The following ZC3H14 variants were observed in gnomAD, a reference collection of about 807,000 sequenced individuals.
ZC3H14 encodes zinc finger CCCH domain-containing protein 14.
Under a neutral mutation model 92.4 loss-of-function variants are expected in ZC3H14, and 31 were observed. The ratio of observed to expected loss-of-function variants is 0.34; its 90% confidence interval spans 0.25 to 0.45. The LOEUF is 0.45. Among genes scored for constraint, ZC3H14 ranks in the 20% least tolerant of loss-of-function variants. The pLI is 1.00. For synonymous variants in ZC3H14, 321 were observed against 300.9 expected (o/e 1.07, Z -0.69); for missense variants, 781 against 897.3 (o/e 0.87, Z 1.66).
intron 2 of ZC3H14, among the ~76,000 whole-genome samples, chr14:88,567,415 T>C (rs2079831713): frequency 1.3e-5 from 2 of 149,916 alleles, no homozygotes; most frequent in Admixed American, 1.3e-4. Context: ...GCGCCTGGCC[T>C]TTTTTCTTTT....
At chr14:88,571,315 G>A (rs2080357286) in intron 4 of ZC3H14, among the ~76,000 whole-genome samples, 191 bp downstream of exon 4, 1 of 152,002 alleles carries the variant, frequency 6.6e-6, no homozygotes, top group Non-Finnish European at 1.5e-5. Flanking sequence ...TTTAAGTGTG[G>A]GAGAGGGAGC....
intron 9 of ZC3H14, among the ~76,000 whole-genome samples, chr14:88,584,493 C>T (rs568622471): frequency 2.0e-5 from 3 of 152,118 alleles, no homozygotes; most frequent in East Asian, 3.9e-4. Flanking sequence ...TACATGATAC[C>T]GCTTGTAGTT....
chr14:88,591,078 T>C (rs1234783887), intron 9 of ZC3H14: 1 of 152,200 alleles, frequency 6.6e-6, no homozygotes, highest in Non-Finnish European at 1.5e-5. Context: ...CATTTTTAAG[T>C]ATGTATACCA....
Position 88,620,855 on chromosome 14 carries a change from C to T in ZC3H14, c.*9104C>T, listed in dbSNP as rs2088767022. 1 of 1,588,526 alleles carries T rather than the reference C, an allele frequency of 6.3e-7. No homozygotes were observed. Among genetic ancestry groups the T allele is most frequent in the African/African-American group, 1.3e-5 (1 of 74,188 alleles). Reference sequence around the variant, plus strand: ...ATTCTCCATTTTTCATTCCAATAGCCACCATGTCCCCTTCAGGGCTGTAAC... The same window carrying T: ...ATTCTCCATTTTTCATTCCAATAGCTACCATGTCCCCTTCAGGGCTGTAAC... On this transcript the variant is annotated 3_prime_UTR_variant, in exon 17 of 17. Transcript: ENST00000251038. This position sits in a 1 kb window ranked among gnomAD's most constrained non-coding sequence, Gnocchi z 4.3.
chr14:88,609,492 G>A, intron 14 of ZC3H14, 89 bp downstream of exon 14: 2 of 1,598,200 alleles, frequency 1.3e-6, no homozygotes, highest in African/African-American at 1.3e-5. Context: ...ACAAAAGATG[G>A]TTTCAGAAAT....
Position 88,572,139 on chromosome 14 carries a change from A to G in ZC3H14, c.345A>G (p.Pro115=), listed in dbSNP as rs766937657. The G allele has an allele frequency of 2.5e-6, 4 of 1,614,044 alleles. No homozygotes were observed. In the South Asian group the frequency reaches 4.4e-5, roughly 18 times the overall value. The part of the protein sequence containing the change: ...GDERRHEAAV[P]PLAIPSARPE... ...AGAGGAGGCATGAAGCTGCAGTGCCACCACTTGCCATTCCTAGCGCGAGAC... is the reference window on the plus strand; with the variant it reads ...AGAGGAGGCATGAAGCTGCAGTGCCGCCACTTGCCATTCCTAGCGCGAGAC... The change falls in exon 5 of 17, where the codon CCA becomes CCG. Residue 115 remains proline (P), a synonymous_variant. Coordinates refer to ENST00000251038, the MANE Select transcript of ZC3H14 (RefSeq NM_024824.5).
Position 88,626,979 on chromosome 14 carries a change from T to C in ZC3H14, c.*15228T>C. On this transcript the variant is annotated 3_prime_UTR_variant, in exon 17 of 17. Coordinates refer to ENST00000251038, the MANE Select transcript of ZC3H14 (RefSeq NM_024824.5). Reference sequence around the variant, plus strand: ...CTCCCACTGAGACAAACTGGGTATCTGAATCTGGTCGGAATTCTGCCACAA... The same window carrying C: ...CTCCCACTGAGACAAACTGGGTATCCGAATCTGGTCGGAATTCTGCCACAA... 2 of 1,613,994 alleles carry C rather than the reference T, an allele frequency of 1.2e-6. No homozygotes were observed. Among genetic ancestry groups the C allele is most frequent in the Non-Finnish European group, 1.7e-6 (2 of 1,179,882 alleles).
chr14:88,611,167 C>T (rs1231571476), intron 16 of ZC3H14, among the ~76,000 whole-genome samples: 1 of 152,068 alleles, frequency 6.6e-6, no homozygotes, highest in Non-Finnish European at 1.5e-5. Context: ...GCTCTGTTGC[C>T]CAGGTTGGAG....
At chr14:88,582,695 T>C (rs185235778) in intron 9 of ZC3H14, among the ~76,000 whole-genome samples, 7 of 152,326 alleles carry the variant, frequency 4.6e-5, no homozygotes, top group Admixed American at 6.5e-5. Flanking sequence ...TTTTCTATAC[T>C]GTGTTTTAAA....
Position 88,573,582 on chromosome 14 carries a change from C to T in ZC3H14, c.861+575C>T, listed in dbSNP as rs1295754624. ...CCGAGTAGCTGGTATTACCCGCCAC[C>T]ATGCCTGGCTAATTTTTTGTATTTT... On this transcript the variant is annotated intron_variant, in intron 6 of 16. Transcript: ENST00000251038. 4 of 151,932 alleles carry T rather than the reference C, an allele frequency of 2.6e-5. No individual in the cohort carries two copies. In the East Asian group the frequency reaches 7.8e-4, roughly 30 times the overall value. The allele number at this position is 151,932 out of a possible 1,614,324, so 9.4% of individuals were successfully genotyped here. A position where few individuals can be genotyped will look rare whatever the true frequency, so the allele number is the denominator to read the frequency against.
chr14:88,607,049 T>C (rs2085522477), intron 12 of ZC3H14, among the ~76,000 whole-genome samples, 194 bp from the exon 13 acceptor site: 1 of 152,164 alleles, frequency 6.6e-6, no homozygotes, highest in Non-Finnish European at 1.5e-5. Context: ...CAGTGAGAAC[T>C]GTTGTCTTCT....
chr14:88,595,101 C>A lies in ZC3H14; in HGVS notation c.1280-1633C>A, dbSNP rs750593941. On this transcript the variant is annotated intron_variant, in intron 9 of 16. Transcript: ENST00000251038. The stretch of plus-strand genomic sequence containing the variant: ...TAAAAATAATCGGCTTCCTTAGAAA[C>A]GTTGAGAAAGGTAAACTCTTAATAT... 1.9e-6 allele frequency: 3 copies of A among 1,610,426 alleles called. No individual in the cohort carries two copies. In the Admixed American group the frequency reaches 5.0e-5, roughly 27 times the overall value.
intron 9 of ZC3H14, among the ~76,000 whole-genome samples, chr14:88,582,241 C>G (rs907831729): frequency 6.6e-6 from 1 of 152,244 alleles, no homozygotes; most frequent in Non-Finnish European, 1.5e-5. Context: ...CCTCTTGATA[C>G]AAAAGAACAG....
rs184612668 is a variant in ZC3H14 at position 88,567,190 on chromosome 14, A to G, written c.80-849A>G. The stretch of plus-strand genomic sequence containing the variant: ...GAGTGCAGTGGCAGGATCTGAGCGC[A>G]CTGCAAGCTCCGCCTCCTGGGTTCA... On this transcript the variant is annotated intron_variant, in intron 2 of 16. Coordinates refer to ENST00000251038, the MANE Select transcript of ZC3H14 (RefSeq NM_024824.5). Among the ~76,000 whole-genome samples, 459 of 149,370 alleles carry G rather than the reference A, an allele frequency of 3.1e-3. 5 individuals carry two copies. The highest frequency in any genetic ancestry group is 0.018 in the Admixed American group (274 of 14,918).
chr14:88,621,343 A>T lies in ZC3H14; in HGVS notation c.*9592A>T. 1 of 1,607,270 alleles carries T rather than the reference A, an allele frequency of 6.2e-7. No homozygotes were observed. The highest frequency in any genetic ancestry group is 8.5e-7 in the Non-Finnish European group (1 of 1,174,810). On this transcript the variant is annotated 3_prime_UTR_variant, in exon 17 of 17. Transcript: ENST00000251038. ...ACCAATACAGTGAATGTAATACAACAGCTGCTTTTCTTCTTCATAATATAA... is the reference window on the plus strand; with the variant it reads ...ACCAATACAGTGAATGTAATACAACTGCTGCTTTTCTTCTTCATAATATAA...
In ZC3H14 at chr14:88,571,131, T is replaced by C; in HGVS notation, c.235+7T>C. 6.5e-7 allele frequency: 1 copy of C among 1,532,992 alleles called. No homozygotes were observed. Among genetic ancestry groups the C allele is most frequent in the Non-Finnish European group, 8.8e-7 (1 of 1,132,862 alleles). 95.0% of individuals were successfully genotyped at this position (1,532,992 alleles called of 1,614,324 possible). On this transcript the variant is annotated splice_region_variant and intron_variant, in intron 4 of 16. Transcript: ENST00000251038. ...CTTCGCTCTGTTACAACTGGTAAGA[T>C]TCATAACTTTTTTTTTTAATTTCTG...
chr14:88,575,864 A>C lies in ZC3H14; in HGVS notation c.1047A>C (p.Gln349His). ...GACCTTCTCTTCCACCTTCTAAACA[A>C]GCTAACAAGAATCTGATTTTGAAGG... ...ERRPSLPPSKQANKNLILKAI... is the reference protein window; with the variant it reads ...ERRPSLPPSKHANKNLILKAI... The change falls in exon 8 of 17, where the codon CAA becomes CAC. Residue 349 changes from glutamine to histidine, a missense_variant. By Grantham distance (24) the Gln-to-His change is conservative. Around this residue, in one of 3 missense-constraint regions of ZC3H14, gnomAD observed 454 missense variants for 438.5 expected, o/e 1.04. Transcript: ENST00000251038. 6.2e-7 allele frequency: 1 copy of C among 1,613,894 alleles called. No homozygotes were observed. The highest frequency in any genetic ancestry group is 8.5e-7 in the Non-Finnish European group (1 of 1,179,906).
intron 15 of ZC3H14, 61 bp from the exon 16 acceptor site, chr14:88,610,773 A>G (rs188947970): frequency 5.3e-6 from 8 of 1,518,908 alleles, no homozygotes; most frequent in East Asian, 4.5e-5. Flanking sequence ...AAATAATAAA[A>G]TAATGTGTTT....
Position 88,616,939 on chromosome 14 carries a change from C to A in ZC3H14, c.*5188C>A. ...CAAGTGCGGGCAGGTTGACTATATT[C>A]AAAAAGTTTCTTGGCAATTAATCTC... On this transcript the variant is annotated 3_prime_UTR_variant, in exon 17 of 17. Coordinates refer to ENST00000251038, the MANE Select transcript of ZC3H14 (RefSeq NM_024824.5). The A allele has an allele frequency of 1.3e-6, 2 of 1,535,678 alleles. No individual in the cohort carries two copies. Among genetic ancestry groups the A allele is most frequent in the Non-Finnish European group, 8.9e-7 (1 of 1,128,258 alleles).
Sources: gnomAD v4.1 joint callset for allele counts (sites outside exome capture counted in the v4.1 genomes callset) on GRCh38, gnomAD v4.1.1 for gene constraint, gnomAD v4.1.1 regional missense constraint, Gnocchi (gnomAD v3.1) non-coding constraint, MANE v1.5 for transcripts, NCBI Gene and HGNC (gene_info 2026-07-23, HGNC 2026-07-21) for gene names.